PIEZO2: variants seen among roughly 807,000 people sequenced by gnomAD.
PIEZO2 encodes piezo-type mechanosensitive ion channel component 2.
PIEZO2 carries 172 observed loss-of-function variants against 337.3 expected under a neutral mutation model. That is an observed-to-expected ratio of 0.51 (90% CI 0.45 to 0.58). PIEZO2 has a LOEUF of 0.58. Among genes scored for constraint, PIEZO2 ranks in the 20% least tolerant of loss-of-function variants. The probability of loss-of-function intolerance (pLI) is 0.00; values close to 1 mark genes in which losing one functional copy is unlikely to be tolerated. For missense variants in PIEZO2, 3,028 were observed against 3,391.3 expected (o/e 0.89, Z 2.66); for synonymous variants, 1,251 against 1,228.5 (o/e 1.02, Z -0.38).
At chr18:10,836,619 G>A (rs7241796) in intron 7 of PIEZO2, among the ~76,000 whole-genome samples, 22,932 of 152,178 alleles carry the variant, frequency 0.15, 2,885 homozygotes, top group African/African-American at 0.34. Flanking sequence ...CACACCATAG[G>A]CCATGTCCTA....
At chr18:10,996,726 C>T (rs147585762) in intron 2 of PIEZO2, among the ~76,000 whole-genome samples, 13 of 152,260 alleles carry the variant, frequency 8.5e-5, no homozygotes, top group Middle Eastern at 3.4e-3. Flanking sequence ...ATCCATTCAC[C>T]TATTTGGGTT....
At chr18:10,803,829 A>C (rs1358250856) in intron 9 of PIEZO2, 46 bp downstream of exon 9, 1 of 1,533,806 alleles carries the variant, frequency 6.5e-7, no homozygotes, top group East Asian at 2.4e-5. Flanking sequence ...GTAAAATACA[A>C]AAACAGAAAA....
At chr18:10,999,623 G>GGATTATAT (rs1302468644) in intron 2 of PIEZO2, among the ~76,000 whole-genome samples, 1 of 151,996 alleles carries the variant, frequency 6.6e-6, no homozygotes, top group Non-Finnish European at 1.5e-5. Context: ...TAAGACACTT[G>GGATTATAT]AGCACCCAAG....
rs1256235850 is a variant in PIEZO2 at position 10,752,725 on chromosome 18, G to A, written c.4078C>T (p.Leu1360=). 6.5e-7 allele frequency: 1 copy of A among 1,537,238 alleles called. No homozygotes were observed. The highest frequency in any genetic ancestry group is 2.0e-5 in the Admixed American group (1 of 51,002). ...FYFLLFGGDL[L]LKPIKSILRY... is the part of the protein sequence containing the mutation. Reference sequence around the variant, plus strand: ...AGGATGCTCTTGATGGGTTTCAACAGCAAATCGCCCCCAAAGAGCAGGAAG... The same window carrying A: ...AGGATGCTCTTGATGGGTTTCAACAACAAATCGCCCCCAAAGAGCAGGAAG... The change falls in exon 28 of 56, where the codon CTG becomes TTG. Residue 1360 remains leucine, a synonymous_variant. Transcript: ENST00000674853.
At chr18:10,754,856 G>A (rs1351089167) in intron 27 of PIEZO2, among the ~76,000 whole-genome samples, 1 of 152,166 alleles carries the variant, frequency 6.6e-6, no homozygotes, top group African/African-American at 2.4e-5. Flanking sequence ...GATTGCTTGA[G>A]TTCCAATCCC....
chr18:10,821,008 G>A lies in PIEZO2; in HGVS notation c.918-13734C>T, dbSNP rs1479459344. Among the ~76,000 whole-genome samples, 2 of 152,134 alleles carry A rather than the reference G, an allele frequency of 1.3e-5. No homozygotes were observed. Among genetic ancestry groups the A allele is most frequent in the Non-Finnish European group, 2.9e-5 (2 of 68,020 alleles). ...GAGTTTTGCTTTGTCTGACTTCATG[G>A]AGTCTTACCTATGCATGCACAGCTT... On this transcript the variant is annotated intron_variant, in intron 7 of 55. Coordinates refer to ENST00000674853, the MANE Select transcript of PIEZO2 (RefSeq NM_001378183.1). This position sits in a 1 kb window ranked among gnomAD's most constrained non-coding sequence, Gnocchi z 4.2.
rs905462462 is a variant in PIEZO2 at position 10,807,576 on chromosome 18, C to G, written c.918-302G>C. On this transcript the variant is annotated intron_variant, in intron 7 of 55. Transcript: ENST00000674853. ...TCAAAAATCCAGTTAATACTAAATT[C>G]TTGCACATCTATTAGAAATGTTTTA... Among the ~76,000 whole-genome samples, 12 of 152,148 alleles carry G rather than the reference C, an allele frequency of 7.9e-5. No individual in the cohort carries two copies. In the South Asian group the frequency reaches 1.0e-3, roughly 13 times the overall value.
At chr18:10,725,608 C>T in intron 36 of PIEZO2, 4 of 1,313,260 alleles carry the variant, frequency 3.0e-6, no homozygotes, top group South Asian at 3.1e-5. Context: ...GAGCAGCCGC[C>T]TCCGCCCTCT....
rs1268978463 is a variant in PIEZO2 at position 11,128,454 on chromosome 18, G to A, written c.64+20071C>T. On this transcript the variant is annotated intron_variant, in intron 1 of 55. Coordinates refer to ENST00000674853, the MANE Select transcript of PIEZO2 (RefSeq NM_001378183.1). This position sits in a 1 kb window ranked among gnomAD's most constrained non-coding sequence, Gnocchi z 4.1. ...AATGGGACCCTGCAACTTGGAATGG[G>A]GATGTGTGGGAGGACCCTGATGAAG... 1.3e-5 allele frequency among the ~76,000 whole-genome samples: 2 copies of A among 152,120 alleles called. No homozygotes were observed. Among genetic ancestry groups the A allele is most frequent in the South Asian group, 2.1e-4 (1 of 4,826 alleles).
In PIEZO2 at chr18:10,671,791, A is replaced by T; in HGVS notation, c.8346-12T>A. On this transcript the variant is annotated splice_polypyrimidine_tract_variant and intron_variant, in intron 55 of 55. Transcript: ENST00000674853. ...ATAATCCCATAATACTGAAAAAAAC[A>T]GTAAGTAGAAATTGCATACAGCAGT... 1 of 1,593,658 alleles carries T rather than the reference A, an allele frequency of 6.3e-7. No individual in the cohort carries two copies. Among genetic ancestry groups the T allele is most frequent in the Non-Finnish European group, 8.6e-7 (1 of 1,169,466 alleles).
chr18:10,964,807 A>G (rs1347897758), intron 3 of PIEZO2, among the ~76,000 whole-genome samples: 2 of 152,300 alleles, frequency 1.3e-5, no homozygotes, highest in African/African-American at 4.8e-5. Flanking sequence ...TTCTGTCCTT[A>G]TGGACTTGCC....
At chr18:11,061,156 G>A (rs1361406489) in intron 2 of PIEZO2, among the ~76,000 whole-genome samples, 7 of 152,138 alleles carry the variant, frequency 4.6e-5, no homozygotes, top group African/African-American at 7.2e-5. Context: ...GACAAAAACC[G>A]TATGATTATC....
intron 3 of PIEZO2, among the ~76,000 whole-genome samples, chr18:10,964,678 T>G (rs1272717571): frequency 2.0e-5 from 3 of 152,226 alleles, no homozygotes; most frequent in African/African-American, 4.8e-5. Context: ...CACCAGGCCA[T>G]GCAACTACCA....
At position 10,847,208 on chromosome 18, in the gene PIEZO2, C is replaced by A. The variant is rs1200513711; in HGVS notation, c.917+8145G>T. On this transcript the variant is annotated intron_variant, in intron 7 of 55. Coordinates refer to ENST00000674853, the MANE Select transcript of PIEZO2 (RefSeq NM_001378183.1). This position sits in a 1 kb window ranked among gnomAD's most constrained non-coding sequence, Gnocchi z 5.7. ...ATCAGTGGAACCCATGTGATGCTCGCTGGCCAGATGACATGACGGCAGCCG... is the reference window on the plus strand; with the variant it reads ...ATCAGTGGAACCCATGTGATGCTCGATGGCCAGATGACATGACGGCAGCCG... Among the ~76,000 whole-genome samples, 3 of 152,232 alleles carry A rather than the reference C, an allele frequency of 2.0e-5. No individual in the cohort carries two copies. Among genetic ancestry groups the A allele is most frequent in the African/African-American group, 7.2e-5 (3 of 41,466 alleles).
Position 10,855,669 on chromosome 18 carries a change from T to C in PIEZO2, c.704-103A>G, listed in dbSNP as rs532248992. ...AATTATGTGAATTTCCTTCAAGTGT[T>C]TTTAGGTTTTTTAAAATAGTAATTT... On this transcript the variant is annotated intron_variant, in intron 6 of 55. Transcript: ENST00000674853. This position sits in a 1 kb window ranked among gnomAD's most constrained non-coding sequence, Gnocchi z 4.9. The C allele has an allele frequency of 3.2e-6, 3 of 927,436 alleles. No homozygotes were observed. The highest frequency in any genetic ancestry group is 4.7e-6 in the Non-Finnish European group (3 of 640,418). 57.5% of individuals were successfully genotyped at this position (927,436 alleles called of 1,614,324 possible).
At position 10,784,811 on chromosome 18, in the gene PIEZO2, G is replaced by A. The variant is rs1284061415; in HGVS notation, c.2465C>T (p.Pro822Leu). ...FLELTDLKSI[P>L]SKEDNTIYSH... is the part of the protein sequence containing the mutation. ...GTAGATGGTGTTGTCTTCTTTGCTG[G>A]GAATGGACTTGAGGTCTGTGAGTTC... The change falls in exon 17 of 56, where the codon CCC becomes CTC. Residue 822 changes from proline (P) to leucine (L), a missense_variant. Pro to Leu is a moderately conservative substitution (Grantham distance 98). Coordinates refer to ENST00000674853, the MANE Select transcript of PIEZO2 (RefSeq NM_001378183.1). This position sits in a 1 kb window ranked among gnomAD's most constrained non-coding sequence, Gnocchi z 4.5. The A allele has an allele frequency of 6.5e-6, 10 of 1,537,270 alleles. No individual in the cohort carries two copies. The highest frequency in any genetic ancestry group is 8.7e-6 in the Non-Finnish European group (10 of 1,146,732).
At chr18:10,832,668 C>T (rs894289443) in intron 7 of PIEZO2, among the ~76,000 whole-genome samples, 8 of 152,104 alleles carry the variant, frequency 5.3e-5, no homozygotes, top group Non-Finnish European at 8.8e-5. Flanking sequence ...AAGAACTACC[C>T]GGGAATGTAC....
chr18:10,966,327 G>A (rs139609693), intron 3 of PIEZO2, among the ~76,000 whole-genome samples: 33 of 152,074 alleles, frequency 2.2e-4, no homozygotes, highest in African/African-American at 7.7e-4. Context: ...CTACATCATC[G>A]CCACCCTAGC....
intron 8 of PIEZO2, 98 bp downstream of exon 8, chr18:10,807,014 G>C: frequency 8.3e-7 from 1 of 1,210,828 alleles, no homozygotes; most frequent in South Asian, 1.6e-5. Flanking sequence ...TGTTGGAATA[G>C]AGTATCGATT....
Sources: allele counts gnomAD v4.1 joint callset (sites outside exome capture counted in the v4.1 genomes callset), GRCh38; gene constraint gnomAD v4.1.1; non-coding constraint Gnocchi (gnomAD v3.1); transcripts MANE v1.5; gene names NCBI Gene and HGNC (gene_info 2026-07-23, HGNC 2026-07-21).